Variants in RPS6KC1 observed in about 807,000 individuals in gnomAD.
RPS6KC1 encodes the protein ribosomal protein S6 kinase C1, also known as inactive ribosomal protein S6 kinase delta-1.
Under a neutral mutation model 103.8 loss-of-function variants are expected in RPS6KC1, and 54 were observed. The ratio of observed to expected loss-of-function variants is 0.52; its 90% confidence interval spans 0.42 to 0.65. RPS6KC1 has a LOEUF of 0.65. Ranked by LOEUF, RPS6KC1 falls within the 30% of genes least tolerant of loss-of-function variation. The pLI, the probability that RPS6KC1 is intolerant of heterozygous loss-of-function variation, is 0.00. For missense variants in RPS6KC1, 1,151 were observed against 1,253.8 expected, an observed-to-expected ratio of 0.92 and a Z score of 1.24; for synonymous variants, 439 against 438.7, an observed-to-expected ratio of 1.00 and a Z score of -0.01.
At chr1:213,531,914 T>A in the RPS6KC1 span, among the ~76,000 whole-genome samples, 1 of 152,016 alleles carries the variant, frequency 6.6e-6, no homozygotes, top group Non-Finnish European at 1.5e-5. Context: ...GCTGACCAAA[T>A]CTCCCTAAGT....
At chr1:213,477,641 A>G in the RPS6KC1 span, among the ~76,000 whole-genome samples, 2 of 152,232 alleles carry the variant, frequency 1.3e-5, no homozygotes. Context: ...AGCAAGCCAC[A>G]AAGGTTAATA....
At chr1:213,845,725 C>G in the RPS6KC1 span, among the ~76,000 whole-genome samples, 2 of 152,156 alleles carry the variant, frequency 1.3e-5, no homozygotes, top group Non-Finnish European at 2.9e-5. Context: ...GACAAAAATC[C>G]TGGTTCCTCC....
intron 8 of RPS6KC1, among the ~76,000 whole-genome samples, chr1:213,196,035 A>C (rs2092934375): frequency 6.6e-6 from 1 of 152,170 alleles, no homozygotes; most frequent in Non-Finnish European, 1.5e-5. Context: ...TTCTACTGTT[A>C]GTTCTTTAAA....
At chr1:213,615,854 A>G in the RPS6KC1 span, among the ~76,000 whole-genome samples, 2 of 152,212 alleles carry the variant, frequency 1.3e-5, no homozygotes, top group African/African-American at 4.8e-5. Flanking sequence ...TGAGAGACCA[A>G]TTCCCTACAA....
chr1:213,280,381 T>C, the RPS6KC1 span, among the ~76,000 whole-genome samples: 2 of 152,230 alleles, frequency 1.3e-5, no homozygotes, highest in African/African-American at 4.8e-5. Flanking sequence ...ATAATTCCTT[T>C]GATGACTTGT....
At chr1:213,360,221 C>T in the RPS6KC1 span, among the ~76,000 whole-genome samples, 71 of 152,330 alleles carry the variant, frequency 4.7e-4, no homozygotes, top group Non-Finnish European at 5.0e-4. Context: ...GGTCTTTTCC[C>T]ATAGTCCCAC....
At chr1:213,344,510 A>G in the RPS6KC1 span, among the ~76,000 whole-genome samples, 1 of 152,078 alleles carries the variant, frequency 6.6e-6, no homozygotes, top group Admixed American at 6.6e-5. Context: ...GCATCTTTTA[A>G]CATTCCTTAT....
At chr1:213,753,931 G>A in the RPS6KC1 span, among the ~76,000 whole-genome samples, 3 of 152,162 alleles carry the variant, frequency 2.0e-5, no homozygotes, top group African/African-American at 7.2e-5. Flanking sequence ...AGAAGGCTGG[G>A]AAGAAGCCTG....
chr1:213,517,828 G>T, the RPS6KC1 span, among the ~76,000 whole-genome samples: 2 of 152,154 alleles, frequency 1.3e-5, no homozygotes, highest in Admixed American at 1.3e-4. Context: ...TGACAGTGGG[G>T]TATTAAAGTC....
At chr1:213,123,729 G>A (rs1302228886) in intron 5 of RPS6KC1, among the ~76,000 whole-genome samples, 1 of 152,080 alleles carries the variant, frequency 6.6e-6, no homozygotes, top group Non-Finnish European at 1.5e-5. Context: ...TGTGCATGGC[G>A]CATGAGTCAT....
At chr1:213,126,634 G>T (rs868471192) in intron 5 of RPS6KC1, among the ~76,000 whole-genome samples, 22 of 152,228 alleles carry the variant, frequency 1.4e-4, no homozygotes, top group South Asian at 8.3e-4. Flanking sequence ...ACCTGTTTTT[G>T]TATGGCCTGA....
At chr1:213,200,845 T>C (rs1573224676) in intron 8 of RPS6KC1, among the ~76,000 whole-genome samples, 1 of 152,114 alleles carries the variant, frequency 6.6e-6, no homozygotes, top group East Asian at 1.9e-4. Flanking sequence ...AAGACATACA[T>C]GCAGCCAACA....
At chr1:213,341,829 T>C in the RPS6KC1 span, among the ~76,000 whole-genome samples, 1 of 152,216 alleles carries the variant, frequency 6.6e-6, no homozygotes, top group Non-Finnish European at 1.5e-5. Flanking sequence ...ATTTCAATGA[T>C]TGACTCTACA....
intron 8 of RPS6KC1, among the ~76,000 whole-genome samples, chr1:213,179,606 A>G (rs1419334350): frequency 1.3e-5 from 2 of 152,238 alleles, no homozygotes; most frequent in Non-Finnish European, 2.9e-5. Flanking sequence ...CTAGTCCTAC[A>G]GAACACAGTT....
chr1:213,259,817 C>T (rs1228610945), intron 12 of RPS6KC1, among the ~76,000 whole-genome samples: 1 of 148,530 alleles, frequency 6.7e-6, no homozygotes, highest in Admixed American at 6.8e-5. Flanking sequence ...CAGCTCACCG[C>T]AACCTCCACC....
intron 12 of RPS6KC1, among the ~76,000 whole-genome samples, chr1:213,261,071 G>A (rs1054467364): frequency 6.6e-6 from 1 of 152,104 alleles, no homozygotes; most frequent in Non-Finnish European, 1.5e-5. Context: ...CTAGGTCTTC[G>A]TTCTCCTACA....
the RPS6KC1 span, among the ~76,000 whole-genome samples, chr1:213,461,789 T>C: frequency 3.3e-5 from 5 of 152,148 alleles, no homozygotes; most frequent in Non-Finnish European, 7.3e-5. Context: ...ATGAAAGACT[T>C]AAACGTAAGA....
At chr1:213,646,789 A>C in the RPS6KC1 span, among the ~76,000 whole-genome samples, 1 of 152,186 alleles carries the variant, frequency 6.6e-6, no homozygotes, top group South Asian at 2.1e-4. Flanking sequence ...CCCCCTCAGC[A>C]CATGGGATAG....
the RPS6KC1 span, among the ~76,000 whole-genome samples, chr1:213,330,837 T>G: frequency 6.6e-6 from 1 of 152,170 alleles, no homozygotes; most frequent in Admixed American, 6.5e-5. Context: ...ATTTAAATGT[T>G]TTCATTTTCT....
Sources: allele counts gnomAD v4.1 joint callset (sites outside exome capture counted in the v4.1 genomes callset), GRCh38; gene constraint gnomAD v4.1.1; transcripts MANE v1.5; gene names NCBI Gene and HGNC (gene_info 2026-07-23, HGNC 2026-07-21).